CPT1C: variants seen among roughly 807,000 people sequenced by gnomAD.
CPT1C encodes carnitine palmitoyltransferase 1C, also known as palmitoyl thioesterase CPT1C.
CPT1C carries 61 observed loss-of-function variants against 97.3 expected under a neutral mutation model. The ratio of observed to expected loss-of-function variants is 0.63; its 90% CI spans 0.51 to 0.78. The LOEUF (loss-of-function observed/expected upper bound fraction) is 0.78. Among genes scored for constraint, CPT1C ranks in the 30% least tolerant of loss-of-function variants. CPT1C has a pLI of 0.00. For synonymous variants in CPT1C, 469 were observed against 447.2 expected, an observed-to-expected ratio of 1.05 and a Z score of -0.61; for missense variants, 975 against 1,065.5, an observed-to-expected ratio of 0.92 and a Z score of 1.18.
intron 14 of CPT1C, among the ~76,000 whole-genome samples, chr19:49,709,752 T>G (rs1168364658): frequency 4.0e-5 from 6 of 151,744 alleles, no homozygotes; most frequent in African/African-American, 1.5e-4. Flanking sequence ...GATGAGGTTT[T>G]TCCATGTTGG....
At chr19:49,712,024 C>G in intron 17 of CPT1C, 63 bp downstream of exon 17, 1 of 1,570,322 alleles carries the variant, frequency 6.4e-7, no homozygotes, top group Middle Eastern at 1.7e-4. Context: ...GGAGAGGTTT[C>G]AGGGAAGGAG....
At chr19:49,708,907 C>A in intron 14 of CPT1C, 68 bp downstream of exon 14, 1 of 995,452 alleles carries the variant, frequency 1.0e-6, no homozygotes, top group Non-Finnish European at 1.6e-6. Context: ...AAACTCATCC[C>A]CACCCCTAAT....
chr19:49,695,002 G>C (rs531611790), intron 3 of CPT1C, among the ~76,000 whole-genome samples: 13 of 151,884 alleles, frequency 8.6e-5, no homozygotes, highest in Non-Finnish European at 1.3e-4. Context: ...TTAGCTGGGC[G>C]TGGTGGCAGT....
chr19:49,708,112 C>A (rs2083620414), intron 13 of CPT1C, among the ~76,000 whole-genome samples: 1 of 151,690 alleles, frequency 6.6e-6, no homozygotes, highest in South Asian at 2.1e-4. Context: ...GAGGACCTTC[C>A]TTTGATGAGT....
intron 14 of CPT1C, 142 bp from the exon 15 acceptor site, chr19:49,710,178 T>G: frequency 8.8e-6 from 7 of 791,764 alleles, no homozygotes; most frequent in Middle Eastern, 3.7e-4. Context: ...CATCCTTCAA[T>G]TCTCTTCTCT....
intron 4 of CPT1C, among the ~76,000 whole-genome samples, chr19:49,698,156 G>A (rs2082776876): frequency 6.6e-6 from 1 of 151,810 alleles, no homozygotes; most frequent in Non-Finnish European, 1.5e-5. Flanking sequence ...CTTGAGCCCA[G>A]GAGTTTGAGA....
At chr19:49,697,268 G>T in intron 3 of CPT1C, 58 bp from the exon 4 acceptor site, 1 of 1,609,624 alleles carries the variant, frequency 6.2e-7, no homozygotes, top group South Asian at 1.1e-5. Flanking sequence ...GGATGGCACA[G>T]AACAGGGGCT....
At position 49,710,714 on chromosome 19, in the gene CPT1C, GT is replaced by G. The variant is rs1179911859; in HGVS notation, c.1732-8del. 8.7e-6 allele frequency: 14 copies of G among 1,609,654 alleles called. No homozygotes were observed. The highest frequency in any genetic ancestry group is 1.2e-5 in the Non-Finnish European group (14 of 1,176,844). ...CTGACAGACTCCTCTTCTCCTCCCT[GT>G]CCCCCAGGACAGGGGTCAATTCTGC... On this transcript the variant is annotated splice_region_variant and splice_polypyrimidine_tract_variant and intron_variant, in intron 15 of 19. Coordinates refer to ENST00000598293, the MANE Select transcript of CPT1C (RefSeq NM_001199753.2).
chr19:49,699,584 A>C (rs1201062836), intron 4 of CPT1C, among the ~76,000 whole-genome samples: 2 of 151,852 alleles, frequency 1.3e-5, no homozygotes, highest in African/African-American at 4.8e-5. Context: ...GCAAACAAAC[A>C]TGTTGATTTA....
chr19:49,700,262 C>CA (rs58306047), intron 4 of CPT1C, among the ~76,000 whole-genome samples: 38,645 of 146,112 alleles, frequency 0.26, 5,554 homozygotes, highest in African/African-American at 0.38. Context: ...CAAAACAAAA[C>CA]AAAAAAAAAA....
At chr19:49,699,781 C>T (rs903123005) in intron 4 of CPT1C, among the ~76,000 whole-genome samples, 1 of 151,988 alleles carries the variant, frequency 6.6e-6, no homozygotes, top group Non-Finnish European at 1.5e-5. Flanking sequence ...GTGGTGAAAC[C>T]CTCTCTACTA....
chr19:49,708,592 G>C, intron 13 of CPT1C, 131 bp from the exon 14 acceptor site: 1 of 746,354 alleles, frequency 1.3e-6, no homozygotes, highest in Non-Finnish European at 2.4e-6. Flanking sequence ...CCGCATCTGT[G>C]AATATCAGAG....
intron 3 of CPT1C, 126 bp from the exon 4 acceptor site, chr19:49,697,200 C>G: frequency 8.3e-7 from 1 of 1,200,208 alleles, no homozygotes; most frequent in Non-Finnish European, 1.2e-6. Context: ...TCTCTGTTCC[C>G]TACTAGATCT....
At chr19:49,700,262 C>A (rs868397735) in intron 4 of CPT1C, among the ~76,000 whole-genome samples, 4,465 of 146,138 alleles carry the variant, frequency 0.031, 197 homozygotes, top group East Asian at 0.15. Context: ...CAAAACAAAA[C>A]AAAAAAAAAA....
intron 2 of CPT1C, 158 bp downstream of exon 2, chr19:49,692,047 G>A: frequency 1.8e-6 from 1 of 549,822 alleles, no homozygotes; most frequent in Admixed American, 3.6e-5. Flanking sequence ...GGATCTGAGA[G>A]AGGAGGGGCT....
At chr19:49,692,426 G>A (rs746753524) in intron 3 of CPT1C, 33 bp downstream of exon 3, 2 of 1,609,976 alleles carry the variant, frequency 1.2e-6, no homozygotes, top group South Asian at 1.1e-5. Context: ...TTCCTTCCGG[G>A]GATCCAGGTT....
rs1192446541 is a variant in CPT1C at position 49,701,432 on chromosome 19, C to T, written c.555+14C>T. 5.0e-6 allele frequency: 8 copies of T among 1,596,230 alleles called. No individual in the cohort carries two copies. In the South Asian group the frequency reaches 7.8e-5, roughly 16 times the overall value. On this transcript the variant is annotated intron_variant, in intron 6 of 19. Coordinates refer to ENST00000598293, the MANE Select transcript of CPT1C (RefSeq NM_001199753.2). ...ACCGTGCGCAAGGTGGGCCTGGGAG[C>T]GCGCAGACGGGCTGGGGCGGCCGGG...
intron 2 of CPT1C, 112 bp downstream of exon 2, chr19:49,692,001 G>T (rs2082375218): frequency 2.1e-6 from 1 of 486,088 alleles, no homozygotes; most frequent in East Asian, 3.6e-5. Context: ...TGGGCTTCTG[G>T]GTCTGAGGGA....
In CPT1C at chr19:49,713,500, G is replaced by A. The variant is rs1474461863; in HGVS notation, c.2307G>A (p.Lys769=). The change falls in exon 20 of 20, where the codon AAG becomes AAA. Residue 769 remains lysine (K), a synonymous_variant. Transcript: ENST00000598293. ...TGTTCCAGGCGGGACAGCATTTTAAGCGCCGGTTCAGAGGGTCAGGGAAGG... is the reference window on the plus strand; with the variant it reads ...TGTTCCAGGCGGGACAGCATTTTAAACGCCGGTTCAGAGGGTCAGGGAAGG... The part of the protein sequence containing the change: ...ASLFQAGQHF[K]RRFRGSGKEN... 1.9e-6 allele frequency: 3 copies of A among 1,614,232 alleles called. No homozygotes were observed. The highest frequency in any genetic ancestry group is 1.7e-5 in the Admixed American group (1 of 60,020).
Sources: gnomAD v4.1 joint callset for allele counts (sites outside exome capture counted in the v4.1 genomes callset) on GRCh38, gnomAD v4.1.1 for gene constraint, MANE v1.5 for transcripts, NCBI Gene and HGNC (gene_info 2026-07-23, HGNC 2026-07-21) for gene names.